The following TRAPPC9 variants were observed in gnomAD, a reference collection of about 807,000 sequenced individuals.
TRAPPC9 encodes the protein trafficking protein particle complex subunit 9, also known as IKK2 binding protein.
In TRAPPC9, 83 loss-of-function variants were observed where a neutral mutation model predicts 124.0. The observed-to-expected ratio is 0.67, with a 90% confidence interval of 0.56 to 0.80. The LOEUF is 0.80. TRAPPC9 is among the 30% of genes least tolerant of loss of function. The probability of loss-of-function intolerance (pLI) is 0.00; values close to 1 mark genes in which losing one functional copy is unlikely to be tolerated. For synonymous variants in TRAPPC9, 638 were observed against 617.5 expected (o/e 1.03, Z -0.49); for missense variants, 1,302 against 1,508.3 (o/e 0.86, Z 2.27).
intron 20 of TRAPPC9, among the ~76,000 whole-genome samples, chr8:139,905,292 C>A (rs1467469104): frequency 6.6e-6 from 1 of 152,058 alleles, no homozygotes; most frequent in East Asian, 1.9e-4. Context: ...CTGATGTGGG[C>A]AAGAAAGCCT....
At chr8:140,350,929 A>C (rs2067549054) in intron 9 of TRAPPC9, among the ~76,000 whole-genome samples, 1 of 151,924 alleles carries the variant, frequency 6.6e-6, no homozygotes, top group Admixed American at 6.6e-5. Context: ...GTGTCCGGAG[A>C]ATGAAGCAAT....
chr8:140,443,373 T>C (rs1352311403), intron 2 of TRAPPC9, among the ~76,000 whole-genome samples: 1 of 151,508 alleles, frequency 6.6e-6, no homozygotes, highest in East Asian at 1.9e-4. Context: ...GAGGCGGAGC[T>C]TGCAGTGAGC....
intron 19 of TRAPPC9, among the ~76,000 whole-genome samples, chr8:139,979,054 G>A (rs1836697825): frequency 6.6e-6 from 1 of 152,096 alleles, no homozygotes; most frequent in Non-Finnish European, 1.5e-5. Context: ...CAGACCAACT[G>A]GGGCGCCGTG....
In TRAPPC9 at chr8:140,341,931, T is replaced by C. The variant is rs145488137; in HGVS notation, c.1495+18119A>G. Reference sequence around the variant, plus strand: ...AGCAGTGCACAATGTGTGGGGCCTTTGGCCTCTGACACTATTTCAGCAGAA... The same window carrying C: ...AGCAGTGCACAATGTGTGGGGCCTTCGGCCTCTGACACTATTTCAGCAGAA... On this transcript the variant is annotated intron_variant, in intron 9 of 22. Coordinates refer to ENST00000438773, the MANE Select transcript of TRAPPC9 (RefSeq NM_001160372.4). 2.3e-3 allele frequency among the ~76,000 whole-genome samples: 352 copies of C among 152,378 alleles called. 1 individual carries two copies. The highest frequency in any genetic ancestry group is 8.0e-3 in the African/African-American group (334 of 41,592).
chr8:139,734,972 C>T (rs79687878), intron 21 of TRAPPC9, among the ~76,000 whole-genome samples: 1,858 of 152,360 alleles, frequency 0.012, 31 homozygotes, highest in African/African-American at 0.041. Flanking sequence ...TGTGCAGGGC[C>T]ACCTGCACTG....
At chr8:139,925,449 C>T (rs1832751601) in intron 19 of TRAPPC9, among the ~76,000 whole-genome samples, 1 of 152,068 alleles carries the variant, frequency 6.6e-6, no homozygotes, top group Admixed American at 6.5e-5. Context: ...CCCAACCGAA[C>T]AGTACAAAGC....
At chr8:139,844,954 G>A (rs952940543) in intron 21 of TRAPPC9, among the ~76,000 whole-genome samples, 7 of 152,056 alleles carry the variant, frequency 4.6e-5, no homozygotes, top group East Asian at 1.9e-4. Context: ...GGCACATCCC[G>A]TGTCAGCAGC....
At chr8:140,217,076 AC>A (rs2063213363) in intron 17 of TRAPPC9, among the ~76,000 whole-genome samples, 1 of 152,068 alleles carries the variant, frequency 6.6e-6, no homozygotes, top group Non-Finnish European at 1.5e-5. Flanking sequence ...CTGTGTCCCA[AC>A]CCCGGGGCAC....
intron 21 of TRAPPC9, among the ~76,000 whole-genome samples, chr8:139,850,582 T>C (rs938599701): frequency 6.6e-6 from 1 of 152,242 alleles, no homozygotes; most frequent in African/African-American, 2.4e-5. Context: ...CTGGGCCATA[T>C]AATTAGCCAT....
intron 21 of TRAPPC9, among the ~76,000 whole-genome samples, chr8:139,802,901 T>C (rs910624148): frequency 6.6e-5 from 10 of 152,070 alleles, no homozygotes; most frequent in African/African-American, 2.2e-4. Flanking sequence ...GTGTGCATGT[T>C]GTGTATGTCG....
intron 21 of TRAPPC9, among the ~76,000 whole-genome samples, chr8:139,815,240 G>A (rs952055752): frequency 2.0e-5 from 3 of 152,150 alleles, no homozygotes; most frequent in Admixed American, 6.6e-5. Context: ...CTCCCTGCCC[G>A]CCTTCCCTGT....
In TRAPPC9 at chr8:140,077,865, G is replaced by A. The variant is rs558662262; in HGVS notation, c.2557-53786C>T. ...ACAAGAGAAACCTGGGAGAGGAGAT[G>A]GAAAAGGCTGCGTGGCCCCAGATAG... On this transcript the variant is annotated intron_variant, in intron 17 of 22. Coordinates refer to ENST00000438773, the MANE Select transcript of TRAPPC9 (RefSeq NM_001160372.4). 1.5e-4 allele frequency among the ~76,000 whole-genome samples: 23 copies of A among 152,286 alleles called. No individual in the cohort carries two copies. The South Asian group carries it at 4.8e-3, about 32-fold the overall frequency.
intron 3 of TRAPPC9, among the ~76,000 whole-genome samples, chr8:140,437,501 TA>T (rs1588354165): frequency 6.6e-6 from 1 of 152,210 alleles, no homozygotes; most frequent in Admixed American, 6.5e-5. Context: ...TGCATGCCTG[TA>T]AGTCCCAGCT....
At chr8:139,861,999 A>T (rs1201635269) in intron 21 of TRAPPC9, among the ~76,000 whole-genome samples, 1 of 152,270 alleles carries the variant, frequency 6.6e-6, no homozygotes, top group Non-Finnish European at 1.5e-5. Flanking sequence ...TCAGCGAAGC[A>T]CTACTTGCCT....
intron 21 of TRAPPC9, among the ~76,000 whole-genome samples, chr8:139,815,427 A>T (rs1824762303): frequency 6.8e-6 from 1 of 148,066 alleles, no homozygotes; most frequent in African/African-American, 2.5e-5. Context: ...TCGCTCTGTC[A>T]CCCAGGCTGG....
In TRAPPC9 at chr8:140,007,502, T is replaced by C. The variant is rs150038626; in HGVS notation, c.2699+16435A>G. ...AATAACAACCTGAAATCATGTTTCA[T>C]GCATCACCATTTGGAAATTAAACTC... On this transcript the variant is annotated intron_variant, in intron 18 of 22. Coordinates refer to ENST00000438773, the MANE Select transcript of TRAPPC9 (RefSeq NM_001160372.4). Among the ~76,000 whole-genome samples the C allele has an allele frequency of 1.6e-4, 24 of 152,344 alleles. No individual in the cohort carries two copies. The East Asian group carries it at 4.2e-3, about 27-fold the overall frequency.
chr8:140,381,587 G>A (rs1483915568), intron 7 of TRAPPC9, among the ~76,000 whole-genome samples: 1 of 136,184 alleles, frequency 7.3e-6, no homozygotes, highest in South Asian at 2.4e-4. Flanking sequence ...AGAATCACTT[G>A]AACCCAGGAG....
In TRAPPC9 at chr8:139,887,335, C is replaced by T. The variant is rs570858412; in HGVS notation, c.2965-1366G>A. ...TCCCAGGCTCAAGTGATTCTCCTGC[C>T]TCAGTCTCTCGAGTAGCTGGGATTA... is the stretch of plus-strand genomic sequence containing the variant. On this transcript the variant is annotated intron_variant, in intron 20 of 22. Transcript: ENST00000438773. Among the ~76,000 whole-genome samples the T allele has an allele frequency of 1.2e-3, 182 of 151,916 alleles. No individual in the cohort carries two copies. In the South Asian group the frequency reaches 0.012, roughly 10 times the overall value.
chr8:140,368,271 G>T (rs535193032), intron 8 of TRAPPC9, among the ~76,000 whole-genome samples: 4 of 152,122 alleles, frequency 2.6e-5, no homozygotes, highest in African/African-American at 9.7e-5. Context: ...CTTCTATTCC[G>T]CAGGGACGTC....
Sources: gnomAD v4.1 joint callset for allele counts (sites outside exome capture counted in the v4.1 genomes callset) on GRCh38, gnomAD v4.1.1 for gene constraint, MANE v1.5 for transcripts, NCBI Gene and HGNC (gene_info 2026-07-23, HGNC 2026-07-21) for gene names.